CHCHD4: variants seen among roughly 807,000 people sequenced by gnomAD.
CHCHD4 encodes the protein coiled-coil-helix-coiled-coil-helix domain containing 4, also known as mitochondrial intermembrane space import and assembly protein 40.
A neutral mutation model predicts 12.4 loss-of-function variants in CHCHD4; 7 were observed. The ratio of observed to expected loss-of-function variants is 0.57; its 90% CI spans 0.32 to 1.06. CHCHD4 has a LOEUF of 1.06. Among genes scored for constraint, CHCHD4 ranks in the 50% least tolerant of loss-of-function variants. The probability of loss-of-function intolerance (pLI) is 0.04; values close to 1 mark genes in which losing one functional copy is unlikely to be tolerated. For synonymous variants in CHCHD4, 56 were observed against 58.0 expected, an observed-to-expected ratio of 0.97 and a Z score of 0.16; for missense variants, 143 against 175.1, an observed-to-expected ratio of 0.82 and a Z score of 1.03.
At chr3:14,114,406 A>T (rs188450654) in intron 2 of CHCHD4, among the ~76,000 whole-genome samples, 1 of 152,334 alleles carries the variant, frequency 6.6e-6, no homozygotes, top group Admixed American at 6.5e-5. Context: ...TACTAACCCC[A>T]GTTTACTCAT....
rs1327802892 is a variant in CHCHD4, at chr3:14,121,826, T to C, written c.22+2829A>G. ...CCCTTTGAAAGATACAACTCCCCCA[T>C]ACAGAATCAAGTGTCTGTGAAGAAT... On this transcript the variant is annotated intron_variant, in intron 1 of 2. Coordinates refer to ENST00000396914, the MANE Select transcript of CHCHD4 (RefSeq NM_001098502.2). 1.9e-6 allele frequency: 3 copies of C among 1,603,040 alleles called. No individual in the cohort carries two copies. The East Asian group carries it at 6.7e-5, about 36-fold the overall frequency.
intron 1 of CHCHD4, among the ~76,000 whole-genome samples, chr3:14,124,297 G>A (rs79302917): frequency 6.6e-6 from 1 of 152,204 alleles, no homozygotes; most frequent in South Asian, 2.1e-4. Context: ...TATGGCAGGA[G>A]CGGTAGTGAT....
chr3:14,120,336 A>C (rs1694920091), intron 1 of CHCHD4, among the ~76,000 whole-genome samples: 1 of 152,124 alleles, frequency 6.6e-6, no homozygotes, highest in African/African-American at 2.4e-5. Context: ...AAAGAGCTGC[A>C]TCCCTCACCT....
At chr3:14,115,734 T>C (rs1694870119) in intron 2 of CHCHD4, among the ~76,000 whole-genome samples, 4 of 152,218 alleles carry the variant, frequency 2.6e-5, no homozygotes, top group Admixed American at 2.6e-4. Context: ...ACTAGAAGAT[T>C]AGTTGTCATC....
chr3:14,113,255 T>C, intron 2 of CHCHD4, 61 bp from the exon 3 acceptor site: 2 of 1,380,268 alleles, frequency 1.4e-6, no homozygotes, highest in Non-Finnish European at 2.0e-6. Flanking sequence ...ACTAGTCCAG[T>C]CCTCACAGGC....
intron 2 of CHCHD4, among the ~76,000 whole-genome samples, chr3:14,113,700 A>T (rs1008906546): frequency 4.0e-5 from 6 of 151,420 alleles, no homozygotes; most frequent in Non-Finnish European, 8.8e-5. Flanking sequence ...GAAAAGGAGG[A>T]GGTTGCTCCT....
intron 2 of CHCHD4, among the ~76,000 whole-genome samples, chr3:14,115,073 G>C (rs1694861898): frequency 6.6e-6 from 1 of 152,228 alleles, no homozygotes; most frequent in South Asian, 2.1e-4. Flanking sequence ...AAGGCAGGTA[G>C]ATGGCATAAA....
In CHCHD4 at chr3:14,116,457, A is replaced by T. The variant is rs1280848623; in HGVS notation, c.90T>A (p.Ala30=). 1.9e-6 allele frequency: 3 copies of T among 1,604,874 alleles called. No homozygotes were observed. In the Admixed American group the frequency reaches 5.0e-5, roughly 27 times the overall value. The part of the protein sequence containing the change: ...HETPSSAELV[A]DDPNDPYEEH... Reference sequence around the variant, plus strand: ...CCTCGTATGGATCGTTGGGGTCATCAGCCACCAATTCTGCACTGCTTGGAG... The same window carrying T: ...CCTCGTATGGATCGTTGGGGTCATCTGCCACCAATTCTGCACTGCTTGGAG... Residue 30 remains alanine (A), a synonymous_variant, in exon 2 of 3, where the codon GCT becomes GCA. Coordinates refer to ENST00000396914, the MANE Select transcript of CHCHD4 (RefSeq NM_001098502.2).
chr3:14,124,595 G>A (rs1694983820), intron 1 of CHCHD4, 60 bp downstream of exon 1: 1 of 1,433,190 alleles, frequency 7.0e-7, no homozygotes, highest in Non-Finnish European at 9.2e-7. Context: ...GGGCGCCGGG[G>A]CCCGCGTGTC....
At chr3:14,117,439 C>T (rs1378575553) in intron 1 of CHCHD4, among the ~76,000 whole-genome samples, 1 of 152,150 alleles carries the variant, frequency 6.6e-6, no homozygotes, top group Admixed American at 6.5e-5. Context: ...ACCCTCAGCC[C>T]CCATGGAGTA....
chr3:14,119,968 A>G (rs1289170927), intron 1 of CHCHD4, among the ~76,000 whole-genome samples: 1 of 152,208 alleles, frequency 6.6e-6, no homozygotes, highest in Non-Finnish European at 1.5e-5. Context: ...AAAAGAGACA[A>G]TCACAGGCTC....
rs1694840304 is a variant in CHCHD4 at position 14,113,178 on chromosome 3, A to G, written c.138T>C (p.Asn46=). The change falls in exon 3 of 3, where the codon AAT becomes AAC. Residue 46 remains asparagine (N), a synonymous_variant. Coordinates refer to ENST00000396914, the MANE Select transcript of CHCHD4 (RefSeq NM_001098502.2). ...PYEEHGLILP[N]GNINWNCPCL... ...ATGGGCAGTTCCAGTTAATGTTTCC[A>G]TTTGGCAGTATCAATCCTAGAACAG... 1 of 1,608,694 alleles carries G rather than the reference A, an allele frequency of 6.2e-7. No individual in the cohort carries two copies.
At chr3:14,121,766 C>A in intron 1 of CHCHD4, 3 of 1,387,140 alleles carry the variant, frequency 2.2e-6, no homozygotes, top group Non-Finnish European at 3.0e-6. Flanking sequence ...TTTGATAAAT[C>A]TGACTGCTAA....
chr3:14,119,457 A>G (rs1462481801), intron 1 of CHCHD4: 1 of 138,620 alleles, frequency 7.2e-6, no homozygotes, highest in Non-Finnish European at 1.5e-5. Flanking sequence ...AACTTTTAAA[A>G]GTCGATTCAA....
intron 1 of CHCHD4, among the ~76,000 whole-genome samples, chr3:14,122,692 A>G (rs540416084): frequency 5.3e-5 from 8 of 152,352 alleles, no homozygotes; most frequent in Non-Finnish European, 1.0e-4. Context: ...GATGCTGGGG[A>G]TTCCACAGCC....
chr3:14,118,347 G>C (rs1694897440), intron 1 of CHCHD4, among the ~76,000 whole-genome samples: 1 of 152,232 alleles, frequency 6.6e-6, no homozygotes, highest in African/African-American at 2.4e-5. Flanking sequence ...ATTTAGAAAA[G>C]TTCAGTCACA....
Position 14,116,428 on chromosome 3 carries a change from T to C in CHCHD4, c.119A>G (p.His40Arg). 1 of 1,601,880 alleles carries C rather than the reference T, an allele frequency of 6.2e-7. No homozygotes were observed. The change falls in exon 2 of 3, where the codon CAT becomes CGT. Residue 40 changes from histidine (H) to arginine (R), a missense_variant and splice_region_variant. Coordinates refer to ENST00000396914, the MANE Select transcript of CHCHD4 (RefSeq NM_001098502.2). ...CTGGGAGGCCACATGTCACTCACCA[T>C]GCTCCTCGTATGGATCGTTGGGGTC... ...ADDPNDPYEE[H>R]GLILPNGNIN...
intron 2 of CHCHD4, among the ~76,000 whole-genome samples, chr3:14,113,808 C>CCCA (rs1694847495): frequency 6.6e-6 from 1 of 152,320 alleles, no homozygotes; most frequent in African/African-American, 2.4e-5. Context: ...ATCAACCAAA[C>CCCA]CTGTTAAACT....
At chr3:14,116,110 G>A (rs1694873663) in intron 2 of CHCHD4, among the ~76,000 whole-genome samples, 1 of 152,204 alleles carries the variant, frequency 6.6e-6, no homozygotes. Flanking sequence ...GTTGGTAGAT[G>A]TGGCAGAATT....
Sources: allele counts gnomAD v4.1 joint callset (sites outside exome capture counted in the v4.1 genomes callset), GRCh38; gene constraint gnomAD v4.1.1; transcripts MANE v1.5; gene names NCBI Gene and HGNC (gene_info 2026-07-23, HGNC 2026-07-21).